SLC9A2: variants seen among roughly 807,000 people sequenced by gnomAD.
The protein encoded by SLC9A2 is sodium/hydrogen exchanger 2.
A neutral mutation model predicts 71.7 loss-of-function variants in SLC9A2; 42 were observed. The observed-to-expected ratio is 0.59, with a 90% CI of 0.46 to 0.76. The LOEUF (loss-of-function observed/expected upper bound fraction) is 0.76. SLC9A2 is among the 30% of genes least tolerant of loss of function. The pLI is 0.00. For synonymous variants in SLC9A2, 396 were observed against 392.5 expected (o/e 1.01, Z -0.10); for missense variants, 829 against 1,017.4 (o/e 0.81, Z 2.52).
rs1317069670 is a variant in SLC9A2, at chr2:102,708,511, T to C, written c.*22T>C. On this transcript the variant is annotated 3_prime_UTR_variant, in exon 12 of 12. Transcript: ENST00000233969. ...TTAAGAGAAGCAGCGAAAGCAGATC[T>C]GAGTGTCTGACCCAGGACAGCTGTG... The C allele has an allele frequency of 1.9e-6, 3 of 1,603,444 alleles. No homozygotes were observed. The highest frequency in any genetic ancestry group is 1.1e-5 in the South Asian group (1 of 89,180).
intron 4 of SLC9A2, among the ~76,000 whole-genome samples, 165 bp downstream of exon 4, chr2:102,683,643 C>T (rs973553352): frequency 3.3e-5 from 5 of 152,028 alleles, no homozygotes; most frequent in African/African-American, 1.2e-4. Flanking sequence ...TCCTCCTTTA[C>T]TTTTTTCTCT....
At chr2:102,665,523 C>T (rs1431889284) in intron 3 of SLC9A2, among the ~76,000 whole-genome samples, 173 bp downstream of exon 3, 9 of 151,756 alleles carry the variant, frequency 5.9e-5, no homozygotes, top group Non-Finnish European at 1.0e-4. Flanking sequence ...GCCTGTAATC[C>T]CAGCACTTTG....
At chr2:102,685,929 G>A (rs1677538238) in intron 5 of SLC9A2, among the ~76,000 whole-genome samples, 1 of 152,232 alleles carries the variant, frequency 6.6e-6, no homozygotes. Flanking sequence ...ATACATTGAA[G>A]AGGCTGCAAT....
intron 1 of SLC9A2, among the ~76,000 whole-genome samples, chr2:102,649,441 A>G (rs2104513931): frequency 6.6e-6 from 1 of 152,352 alleles, no homozygotes; most frequent in South Asian, 2.1e-4. Flanking sequence ...AAAACACCAA[A>G]AGCAATTGTA....
intron 3 of SLC9A2, among the ~76,000 whole-genome samples, chr2:102,673,811 G>A (rs990396640): frequency 6.2e-5 from 9 of 145,550 alleles, no homozygotes; most frequent in East Asian, 2.0e-4. Context: ...TTTTGAGACC[G>A]AGTCTCACTC....
At chr2:102,680,648 G>A (rs1190276250) in intron 3 of SLC9A2, among the ~76,000 whole-genome samples, 1 of 152,138 alleles carries the variant, frequency 6.6e-6, no homozygotes, top group Admixed American at 6.5e-5. Flanking sequence ...CAACCTGAAA[G>A]GGTTGAAAAA....
At chr2:102,670,426 A>G (rs1677223763) in intron 3 of SLC9A2, among the ~76,000 whole-genome samples, 1 of 152,058 alleles carries the variant, frequency 6.6e-6, no homozygotes. Flanking sequence ...TTCTAGCAGC[A>G]TTATTGCAAA....
intron 1 of SLC9A2, among the ~76,000 whole-genome samples, chr2:102,632,370 G>A (rs1489167648): frequency 2.0e-5 from 3 of 150,308 alleles, no homozygotes; most frequent in Non-Finnish European, 4.4e-5. Flanking sequence ...GCCAAGAGAA[G>A]CATGTGTTTA....
At chr2:102,672,311 T>C (rs991271885) in intron 3 of SLC9A2, among the ~76,000 whole-genome samples, 12 of 152,154 alleles carry the variant, frequency 7.9e-5, no homozygotes, top group African/African-American at 2.2e-4. Flanking sequence ...CTGTGAATAG[T>C]AGGAAACTGC....
In SLC9A2 at chr2:102,701,923, C is replaced by A. The variant is rs188868345; in HGVS notation, c.1749-483C>A. Among the ~76,000 whole-genome samples the A allele has an allele frequency of 1.7e-3, 258 of 152,206 alleles. 1 individual carries two copies. Among genetic ancestry groups the A allele is most frequent in the African/African-American group, 5.9e-3 (245 of 41,520 alleles). ...TATTGGGTTTATAAATCAATATTAG[C>A]AAGTAGGTGAGGTGAGTTCATGATT... is the stretch of plus-strand genomic sequence containing the variant. On this transcript the variant is annotated intron_variant, in intron 8 of 11. Transcript: ENST00000233969.
intron 11 of SLC9A2, 118 bp from the exon 12 acceptor site, chr2:102,708,001 C>G: frequency 9.0e-7 from 1 of 1,107,586 alleles, no homozygotes; most frequent in East Asian, 2.4e-5. Flanking sequence ...GCCTGCTAGC[C>G]TCCCCTCTCC....
chr2:102,652,008 CTCT>C (rs1350358573), intron 1 of SLC9A2, among the ~76,000 whole-genome samples: 2 of 152,078 alleles, frequency 1.3e-5, no homozygotes, highest in Admixed American at 1.3e-4. Flanking sequence ...TGTCATTCGT[CTCT>C]TCTTGTTCTG....
At position 102,708,300 on chromosome 2, in the gene SLC9A2, C is replaced by T. The variant is rs779498679; in HGVS notation, c.2250C>T (p.Pro750=). Residue 750 remains proline (P), a synonymous_variant, in exon 12 of 12, where the codon CCC becomes CCT. Coordinates refer to ENST00000233969, the MANE Select transcript of SLC9A2 (RefSeq NM_003048.6). ...GRDMPSTPPT[P]HSREKGTQTS... is the part of the protein sequence containing the mutation. ...ATATGCCCAGCACCCCCCCAACACC[C>T]CACAGCAGAGAAAAGGGCACCCAGA... The T allele has an allele frequency of 6.2e-7, 1 of 1,614,150 alleles. No homozygotes were observed. Among genetic ancestry groups the T allele is most frequent in the Non-Finnish European group, 8.5e-7 (1 of 1,180,032 alleles).
chr2:102,704,829 T>C (rs1387882238), intron 10 of SLC9A2, among the ~76,000 whole-genome samples, 154 bp downstream of exon 10: 4 of 151,902 alleles, frequency 2.6e-5, no homozygotes, highest in Non-Finnish European at 5.9e-5. Context: ...GGGAAGTGAG[T>C]GTTCACAGGT....
At chr2:102,621,585 T>C (rs1487616785) in intron 1 of SLC9A2, among the ~76,000 whole-genome samples, 3 of 152,222 alleles carry the variant, frequency 2.0e-5, no homozygotes, top group Non-Finnish European at 4.4e-5. Flanking sequence ...GTCCAAAGAA[T>C]GTATGCATTA....
intron 4 of SLC9A2, among the ~76,000 whole-genome samples, chr2:102,683,721 C>A (rs1461424544): frequency 5.5e-5 from 8 of 145,176 alleles, no homozygotes; most frequent in Non-Finnish European, 9.1e-5. Flanking sequence ...CTATTATCTT[C>A]TTCCTCATCC....
intron 1 of SLC9A2, among the ~76,000 whole-genome samples, chr2:102,642,053 T>C (rs1380679905): frequency 1.3e-5 from 2 of 151,342 alleles, no homozygotes; most frequent in Non-Finnish European, 2.9e-5. Context: ...ATAATAATAA[T>C]AATAATAATA....
intron 1 of SLC9A2, among the ~76,000 whole-genome samples, chr2:102,655,210 C>CTTTT (rs58932567): frequency 2.9e-5 from 4 of 138,292 alleles, no homozygotes; most frequent in African/African-American, 8.0e-5. Context: ...TACCCTTATT[C>CTTTT]TTTTTTTTTT....
chr2:102,656,506 A>G (rs1676946443), intron 1 of SLC9A2, among the ~76,000 whole-genome samples: 1 of 152,144 alleles, frequency 6.6e-6, no homozygotes, highest in African/African-American at 2.4e-5. Flanking sequence ...TCGTAAATAC[A>G]TTTTGGGAAC....
Sources: gnomAD v4.1 joint callset for allele counts (sites outside exome capture counted in the v4.1 genomes callset) on GRCh38, gnomAD v4.1.1 for gene constraint, MANE v1.5 for transcripts, NCBI Gene and HGNC (gene_info 2026-07-23, HGNC 2026-07-21) for gene names.